OTOGL: variants seen among roughly 807,000 people sequenced by gnomAD.
OTOGL encodes the protein otogelin-like protein.
In OTOGL, 285 loss-of-function variants were observed where a neutral mutation model predicts 318.5. The ratio of observed to expected loss-of-function variants is 0.89; its 90% CI spans 0.81 to 0.99. The LOEUF (loss-of-function observed/expected upper bound fraction) is 0.99. OTOGL is among the 50% of genes least tolerant of loss of function. The pLI is 0.00. For missense variants in OTOGL, 2,899 were observed against 2,845.6 expected (o/e 1.02, Z -0.43); for synonymous variants, 987 against 936.5 (o/e 1.05, Z -0.99).
chr12:80,304,016 A>C (rs541864056), intron 28 of OTOGL, among the ~76,000 whole-genome samples: 6 of 152,202 alleles, frequency 3.9e-5, no homozygotes, highest in African/African-American at 1.4e-4. Context: ...TCAGACAACC[A>C]CTGATTATAT....
At chr12:80,130,158 T>C (rs1466678780) in intron 1 of OTOGL, among the ~76,000 whole-genome samples, 5 of 152,192 alleles carry the variant, frequency 3.3e-5, no homozygotes, top group Admixed American at 3.3e-4. Flanking sequence ...CTACTGCCAA[T>C]TTTTTCCCCA....
At chr12:80,104,432 A>G (rs1592454586) in intron 1 of OTOGL, among the ~76,000 whole-genome samples, 2 of 152,238 alleles carry the variant, frequency 1.3e-5, no homozygotes, top group Non-Finnish European at 1.5e-5. Flanking sequence ...TAAATTGCCA[A>G]GAGAGGCGTG....
rs10715159 is a variant in OTOGL at position 80,339,298 on chromosome 12, G to GTTTTTTTT, written c.5050+52_5050+59dup. ...TGCCCTTCAAATCTTGATTTCGTCT[G>GTTTTTTTT]TTTTTTTTTTTTTTTTTTTTTTTTT... On this transcript the variant is annotated intron_variant, in intron 43 of 58. Coordinates refer to ENST00000547103, the MANE Select transcript of OTOGL (RefSeq NM_001378609.3). The GTTTTTTTT allele has an allele frequency of 3.5e-3, 1,878 of 537,590 alleles. 11 individuals carry two copies. Among genetic ancestry groups the GTTTTTTTT allele is most frequent in the South Asian group, 5.9e-3 (186 of 31,280 alleles). 33.3% of individuals were successfully genotyped at this position (537,590 alleles called of 1,614,324 possible). A position where few individuals can be genotyped will look rare whatever the true frequency, so the allele number is the denominator to read the frequency against.
intron 1 of OTOGL, among the ~76,000 whole-genome samples, chr12:80,202,078 C>A (rs79427036): frequency 0.023 from 3,432 of 152,184 alleles, 141 homozygotes; most frequent in African/African-American, 0.079. Flanking sequence ...CCCTGACTCC[C>A]ACCAATAGAG....
intron 1 of OTOGL, among the ~76,000 whole-genome samples, chr12:80,100,706 T>C (rs1869086917): frequency 6.6e-6 from 1 of 152,108 alleles, no homozygotes; most frequent in Non-Finnish European, 1.5e-5. Context: ...CAAGCTGGTA[T>C]TGGGGGTGGG....
At chr12:80,217,462 C>T in intron 4 of OTOGL, 136 bp from the exon 5 acceptor site, 3 of 665,782 alleles carry the variant, frequency 4.5e-6, no homozygotes, top group Non-Finnish European at 7.6e-6. Flanking sequence ...TGATAAGCCT[C>T]AATAACCCCA....
At position 80,363,035 on chromosome 12, in the gene OTOGL, T is replaced by C. The variant is rs564602145; in HGVS notation, c.6268-3539T>C. Among the ~76,000 whole-genome samples, 114 of 152,196 alleles carry C rather than the reference T, an allele frequency of 7.5e-4. 2 individuals are homozygous for C. The highest frequency in any genetic ancestry group is 1.5e-3 in the Non-Finnish European group (100 of 68,030). On this transcript the variant is annotated intron_variant, in intron 52 of 58. Transcript: ENST00000547103. The stretch of plus-strand genomic sequence containing the variant: ...ATGCAGTGGCACAATCATAGCATCA[T>C]TGAACTCCTAGGCTCAAGTGATCCT...
chr12:80,315,140 A>T (rs1040670486), intron 32 of OTOGL, among the ~76,000 whole-genome samples: 2 of 152,164 alleles, frequency 1.3e-5, no homozygotes, highest in Non-Finnish European at 2.9e-5. Flanking sequence ...AGGTAGGAGG[A>T]ATAAGTTCTG....
intron 11 of OTOGL, among the ~76,000 whole-genome samples, chr12:80,240,230 G>A (rs1322473583): frequency 2.0e-5 from 3 of 151,748 alleles, no homozygotes; most frequent in Non-Finnish European, 2.9e-5. Context: ...TTGTTTTTTG[G>A]GGGATATATA....
At position 80,356,906 on chromosome 12, in the gene OTOGL, C is replaced by T; in HGVS notation, c.6011C>T (p.Pro2004Leu). Residue 2004 changes from proline to leucine, a missense_variant, in exon 49 of 59, where the codon CCT becomes CTT. Pro to Leu is a moderately conservative substitution (Grantham distance 98). Coordinates refer to ENST00000547103, the MANE Select transcript of OTOGL (RefSeq NM_001378609.3). Reference sequence around the variant, plus strand: ...CAGGAAGAACCTTGTTGTTTTTCCCCTTTTTGTGGTGAGTATTGTAGAGAT... The same window carrying T: ...CAGGAAGAACCTTGTTGTTTTTCCCTTTTTTGTGGTGAGTATTGTAGAGAT... ...VRQEEPCCFSPFCVCESCTKP... is the reference protein window; with the variant it reads ...VRQEEPCCFSLFCVCESCTKP... 1 of 1,582,270 alleles carries T rather than the reference C, an allele frequency of 6.3e-7. No individual in the cohort carries two copies. Among genetic ancestry groups the T allele is most frequent in the South Asian group, 1.2e-5 (1 of 86,242 alleles).
intron 1 of OTOGL, among the ~76,000 whole-genome samples, chr12:80,188,410 C>CGT: frequency 6.6e-6 from 1 of 151,572 alleles, no homozygotes. Flanking sequence ...TGGTGGCATG[C>CGT]GCCTGTAATC....
At chr12:80,143,843 T>C (rs1161113694) in intron 1 of OTOGL, among the ~76,000 whole-genome samples, 3 of 152,128 alleles carry the variant, frequency 2.0e-5, no homozygotes, top group African/African-American at 7.2e-5. Context: ...GTGATTTTGA[T>C]CTTATTGGAA....
At chr12:80,164,952 A>C (rs1052939958) in intron 1 of OTOGL, among the ~76,000 whole-genome samples, 1 of 152,178 alleles carries the variant, frequency 6.6e-6, no homozygotes, top group African/African-American at 2.4e-5. Context: ...ATTTCTTGGT[A>C]TGAAGAGGAT....
At chr12:80,171,319 A>G (rs1384139116) in intron 1 of OTOGL, among the ~76,000 whole-genome samples, 2 of 152,084 alleles carry the variant, frequency 1.3e-5, no homozygotes, top group Non-Finnish European at 2.9e-5. Context: ...GCCTCAAGCA[A>G]TCCTCCCACC....
intron 24 of OTOGL, among the ~76,000 whole-genome samples, chr12:80,273,482 T>C (rs932716743): frequency 1.3e-5 from 2 of 152,080 alleles, no homozygotes; most frequent in African/African-American, 4.8e-5. Flanking sequence ...CTGGCCCTCC[T>C]TATAAGCCGA....
At chr12:80,310,945 C>G (rs1886598459) in intron 30 of OTOGL, among the ~76,000 whole-genome samples, 1 of 152,088 alleles carries the variant, frequency 6.6e-6, no homozygotes, top group Non-Finnish European at 1.5e-5. Context: ...AACAGTGTAC[C>G]TTTGTACGTA....
intron 11 of OTOGL, among the ~76,000 whole-genome samples, chr12:80,244,359 C>T (rs1262005280): frequency 7.4e-6 from 1 of 135,360 alleles, no homozygotes; most frequent in Non-Finnish European, 1.5e-5. Flanking sequence ...TGTGATATTC[C>T]CCTTCCTGTG....
At chr12:80,278,322 T>A in intron 25 of OTOGL, 47 bp downstream of exon 25, 1 of 1,334,692 alleles carries the variant, frequency 7.5e-7, no homozygotes, top group Non-Finnish European at 1.0e-6. Context: ...AGTAATTGTG[T>A]AAATTTCAAT....
rs1879684124 is a variant in OTOGL at position 80,234,712 on chromosome 12, T to C, written c.817+1615T>C. On this transcript the variant is annotated intron_variant, in intron 9 of 58. Transcript: ENST00000547103. ...TGAAATAAAAACGTGTGAAAATGTC[T>C]CTACATTGCTTTGAGAAGCCTTTAT... Among the ~76,000 whole-genome samples the C allele has an allele frequency of 2.0e-5, 3 of 152,296 alleles. No homozygotes were observed. In the South Asian group the frequency reaches 6.2e-4, roughly 32 times the overall value.
Sources: gnomAD v4.1 joint callset for allele counts (sites outside exome capture counted in the v4.1 genomes callset) on GRCh38, gnomAD v4.1.1 for gene constraint, MANE v1.5 for transcripts, NCBI Gene and HGNC (gene_info 2026-07-23, HGNC 2026-07-21) for gene names.